The following DTD1 variants were observed in gnomAD, a reference collection of about 807,000 sequenced individuals.
The protein encoded by DTD1 is D-tyrosyl-tRNA deacylase 1 homolog.
Under a neutral mutation model 25.6 loss-of-function variants are expected in DTD1, and 13 were observed. The ratio of observed to expected loss-of-function variants is 0.51; its 90% CI spans 0.33 to 0.81. The LOEUF is 0.81. Among genes scored for constraint, DTD1 ranks in the 30% least tolerant of loss-of-function variants. The probability of loss-of-function intolerance (pLI) is 0.02; values close to 1 mark genes in which losing one functional copy is unlikely to be tolerated. For missense variants in DTD1, 193 were observed against 266.4 expected (o/e 0.72, Z 1.92); for synonymous variants, 110 against 103.6 (o/e 1.06, Z -0.37).
chr20:18,622,701 G>A (rs1237725692), intron 3 of DTD1, among the ~76,000 whole-genome samples: 1 of 152,180 alleles, frequency 6.6e-6, no homozygotes, highest in Non-Finnish European at 1.5e-5. Context: ...TAGTGTAAGG[G>A]TGATACTGGC....
At chr20:18,640,223 T>C (rs542723267) in intron 4 of DTD1, among the ~76,000 whole-genome samples, 1 of 152,300 alleles carries the variant, frequency 6.6e-6, no homozygotes, top group African/African-American at 2.4e-5. Flanking sequence ...TAAGCTTTTA[T>C]AGTATTCCTG....
intron 4 of DTD1, among the ~76,000 whole-genome samples, chr20:18,671,544 AT>A (rs2060951146): frequency 6.6e-6 from 1 of 152,206 alleles, no homozygotes; most frequent in Admixed American, 6.5e-5. Flanking sequence ...CTCCTGTGCT[AT>A]TTATTGCATA....
intron 4 of DTD1, among the ~76,000 whole-genome samples, chr20:18,727,062 G>A (rs537171276): frequency 3.3e-5 from 5 of 152,260 alleles, no homozygotes; most frequent in African/African-American, 9.6e-5. Flanking sequence ...AATGAGCAGA[G>A]TGACAGAGGA....
At chr20:18,726,512 G>A (rs2061222995) in intron 4 of DTD1, among the ~76,000 whole-genome samples, 2 of 152,104 alleles carry the variant, frequency 1.3e-5, no homozygotes, top group Admixed American at 1.3e-4. Context: ...CACTCATCAG[G>A]GTAAATGTCA....
chr20:18,662,042 C>T (rs1600350547), intron 4 of DTD1, among the ~76,000 whole-genome samples: 2 of 152,164 alleles, frequency 1.3e-5, no homozygotes, highest in Admixed American at 1.3e-4. Context: ...GTCCTAGCTA[C>T]TTAGAAGGCT....
chr20:18,694,944 C>T (rs2061064624), intron 4 of DTD1, among the ~76,000 whole-genome samples: 1 of 152,090 alleles, frequency 6.6e-6, no homozygotes, highest in Non-Finnish European at 1.5e-5. Flanking sequence ...AAAAGTGGCA[C>T]CTCAGAGCCA....
chr20:18,694,836 T>G (rs6081303), intron 4 of DTD1, among the ~76,000 whole-genome samples: 47,261 of 152,040 alleles, frequency 0.31, 8,140 homozygotes, highest in South Asian at 0.43. Flanking sequence ...AATAATTTTA[T>G]TTGGACAAGA....
intron 3 of DTD1, among the ~76,000 whole-genome samples, chr20:18,597,387 G>A (rs2060616340): frequency 2.0e-5 from 3 of 151,936 alleles, no homozygotes; most frequent in Admixed American, 6.6e-5. Flanking sequence ...TACACATACT[G>A]TACAATTCAC....
At chr20:18,614,815 C>T (rs760165227) in intron 3 of DTD1, among the ~76,000 whole-genome samples, 2 of 152,014 alleles carry the variant, frequency 1.3e-5, no homozygotes, top group Non-Finnish European at 2.9e-5. Context: ...CCCTCTCTCC[C>T]TTCCTCCTTC....
intron 3 of DTD1, among the ~76,000 whole-genome samples, chr20:18,606,927 TAA>T (rs199918159): frequency 1.8e-3 from 262 of 144,374 alleles, no homozygotes; most frequent in African/African-American, 6.4e-3. Flanking sequence ...TAAAGTATAA[TAA>T]AAAAAAAAAA....
chr20:18,622,063 CA>C lies in DTD1; in HGVS notation c.371-6050del, dbSNP rs11481961. On this transcript the variant is annotated intron_variant, in intron 3 of 5. Coordinates refer to ENST00000377452, the MANE Select transcript of DTD1 (RefSeq NM_080820.6). Reference sequence around the variant, plus strand: ...TGTGTGACAGAGCGAGACTCTGTCTCAAAAAAAAAAAAAATTATTTTGCTTT... The same window carrying C: ...TGTGTGACAGAGCGAGACTCTGTCTCAAAAAAAAAAAAATTATTTTGCTTT... Among the ~76,000 whole-genome samples the C allele has an allele frequency of 4.5e-3, 635 of 142,548 alleles. 2 individuals are homozygous for C. Among genetic ancestry groups the C allele is most frequent in the African/African-American group, 9.9e-3 (372 of 37,520 alleles). The allele number at this position is 142,548 out of a possible 152,430, so 93.5% of individuals were successfully genotyped here.
intron 4 of DTD1, among the ~76,000 whole-genome samples, chr20:18,720,620 T>C (rs569499565): frequency 1.6e-3 from 243 of 152,320 alleles, no homozygotes; most frequent in Non-Finnish European, 2.7e-3. Context: ...TTTGGGAGGC[T>C]AAGGCATGTG....
At chr20:18,650,717 T>C (rs2060871000) in intron 4 of DTD1, among the ~76,000 whole-genome samples, 1 of 152,192 alleles carries the variant, frequency 6.6e-6, no homozygotes, top group Non-Finnish European at 1.5e-5. Context: ...GAATTGACTA[T>C]GTGCTATTTG....
chr20:18,599,977 C>G (rs1180048630), intron 3 of DTD1, among the ~76,000 whole-genome samples: 2 of 152,126 alleles, frequency 1.3e-5, no homozygotes, highest in African/African-American at 4.8e-5. Context: ...TCAGATATGT[C>G]TTCTGTGAAT....
intron 4 of DTD1, among the ~76,000 whole-genome samples, chr20:18,696,076 T>C (rs73897279): frequency 0.011 from 1,688 of 152,274 alleles, 28 homozygotes; most frequent in African/African-American, 0.031. Flanking sequence ...AGGTGTTTTG[T>C]AGACTCCTAT....
chr20:18,642,796 C>A, intron 4 of DTD1: 1 of 160,454 alleles, frequency 6.2e-6, no homozygotes, highest in South Asian at 1.7e-4. Context: ...TGCCCCTGGT[C>A]TTCTTGTTCT....
intron 5 of DTD1, among the ~76,000 whole-genome samples, chr20:18,760,523 A>G (rs2061357263): frequency 2.6e-5 from 4 of 152,150 alleles, no homozygotes; most frequent in Admixed American, 1.3e-4. Flanking sequence ...TTGCCTGGCT[A>G]TCAGCAGTGG....
chr20:18,606,805 A>G (rs1465338468), intron 3 of DTD1, among the ~76,000 whole-genome samples: 2 of 141,690 alleles, frequency 1.4e-5, no homozygotes, highest in East Asian at 2.1e-4. Context: ...GAGGGATAGC[A>G]TTGGAAGATA....
intron 4 of DTD1, among the ~76,000 whole-genome samples, chr20:18,699,997 A>G (rs2061097033): frequency 1.3e-5 from 2 of 152,212 alleles, no homozygotes. Context: ...GCCTTATTTG[A>G]ATATTGCCAT....
Sources: gnomAD v4.1 joint callset for allele counts (sites outside exome capture counted in the v4.1 genomes callset) on GRCh38, gnomAD v4.1.1 for gene constraint, MANE v1.5 for transcripts, NCBI Gene and HGNC (gene_info 2026-07-23, HGNC 2026-07-21) for gene names.